AAK1: variants seen among roughly 807,000 people sequenced by gnomAD.
AAK1 encodes AP2 associated kinase 1.
In AAK1, 37 loss-of-function variants were observed where a neutral mutation model predicts 116.0. The observed-to-expected ratio is 0.32, with a 90% CI of 0.25 to 0.42. The LOEUF is 0.42. Among genes scored for constraint, AAK1 ranks in the 10% least tolerant of loss-of-function variants. The pLI is 1.00. For synonymous variants in AAK1, 458 were observed against 439.9 expected, an observed-to-expected ratio of 1.04 and a Z score of -0.51; for missense variants, 919 against 1,170.6, an observed-to-expected ratio of 0.79 and a Z score of 3.14.
intron 2 of AAK1, among the ~76,000 whole-genome samples, chr2:69,633,478 G>A (rs552750953): frequency 2.3e-3 from 344 of 151,580 alleles, no homozygotes; most frequent in Non-Finnish European, 3.5e-3. Context: ...GTACGCGCCT[G>A]CAGTACCAGC....
chr2:69,494,759 T>A (rs1023813861), intron 17 of AAK1, among the ~76,000 whole-genome samples: 2 of 152,246 alleles, frequency 1.3e-5, no homozygotes, highest in Non-Finnish European at 2.9e-5. Context: ...CTGTATTGAA[T>A]CATTCCTTAG....
rs1674276012 is a variant in AAK1 at position 69,458,929 on chromosome 2, C to T, written c.*16940G>A. The T allele has an allele frequency of 6.6e-6, 1 of 152,362 alleles. No homozygotes were observed. Among genetic ancestry groups the T allele is most frequent in the Non-Finnish European group, 1.5e-5 (1 of 68,024 alleles). 9.4% of individuals were successfully genotyped at this position (152,362 alleles called of 1,614,324 possible). A position where few individuals can be genotyped will look rare whatever the true frequency, so the allele number is the denominator to read the frequency against. The stretch of plus-strand genomic sequence containing the variant: ...TCCCTTTAACATGTACATATAGTTC[C>T]ATTATAATGCAATGCAGGTAACACT... On this transcript the variant is annotated 3_prime_UTR_variant, in exon 22 of 22. Transcript: ENST00000409085.
At position 69,467,516 on chromosome 2, in the gene AAK1, A is replaced by C. The variant is rs1253736442; in HGVS notation, c.*8353T>G. The C allele has an allele frequency of 1.0e-6, 1 of 985,300 alleles. No homozygotes were observed. Among genetic ancestry groups the C allele is most frequent in the Non-Finnish European group, 1.2e-6 (1 of 829,936 alleles). 61.0% of individuals were successfully genotyped at this position (985,300 alleles called of 1,614,324 possible). ...TAACTAAGCAAGAAGAATCCAGAGA[A>C]AGGGTGGTTGGGGGTAAAGGTATCA... is the stretch of plus-strand genomic sequence containing the variant. On this transcript the variant is annotated 3_prime_UTR_variant, in exon 22 of 22. Coordinates refer to ENST00000409085, the MANE Select transcript of AAK1 (RefSeq NM_014911.5).
At position 69,474,531 on chromosome 2, in the gene AAK1, TTTA is replaced by T. The variant is rs1421116457; in HGVS notation, c.*1335_*1337del. On this transcript the variant is annotated 3_prime_UTR_variant, in exon 22 of 22. Transcript: ENST00000409085. ...TCCTAAAGTTAATAAAGAACTATGC[TTTA>T]TTATTTTTTTTTAATCTAGGAAGCC... 2 of 984,906 alleles carry T rather than the reference TTTA, an allele frequency of 2.0e-6. No homozygotes were observed. The highest frequency in any genetic ancestry group is 2.4e-6 in the Non-Finnish European group (2 of 829,580). 61.0% of individuals were successfully genotyped at this position (984,906 alleles called of 1,614,324 possible).
intron 20 of AAK1, chr2:69,478,731 G>C (rs2104888825): frequency 2.3e-6 from 1 of 429,614 alleles, no homozygotes; most frequent in Non-Finnish European, 4.2e-6. Context: ...TGGGATTGCA[G>C]GCCTGAGCTA....
At chr2:69,585,404 C>T (rs1026865815) in intron 2 of AAK1, among the ~76,000 whole-genome samples, 3 of 152,122 alleles carry the variant, frequency 2.0e-5, no homozygotes, top group Non-Finnish European at 4.4e-5. Flanking sequence ...CCACACCACC[C>T]CAACTCCCCA....
intron 2 of AAK1, among the ~76,000 whole-genome samples, chr2:69,575,412 G>A (rs1156961796): frequency 1.3e-5 from 2 of 151,128 alleles, no homozygotes; most frequent in Non-Finnish European, 2.9e-5. Context: ...CTATTTTACT[G>A]CAATATTTTT....
chr2:69,477,032 C>A (rs1674881838), intron 20 of AAK1, 42 bp from the exon 21 acceptor site: 1 of 1,342,876 alleles, frequency 7.4e-7, no homozygotes, highest in African/African-American at 1.4e-5. Flanking sequence ...ACAACAGAGG[C>A]AGAGATTAGC....
chr2:69,579,164 T>G (rs1428502041), intron 2 of AAK1, among the ~76,000 whole-genome samples: 1 of 152,160 alleles, frequency 6.6e-6, no homozygotes, highest in Non-Finnish European at 1.5e-5. Context: ...AGAAACCTCT[T>G]ATGAAGTAGA....
chr2:69,527,338 T>C lies in AAK1; in HGVS notation c.872-19A>G, dbSNP rs893516029. On this transcript the variant is annotated intron_variant, in intron 8 of 21. Transcript: ENST00000409085. Reference sequence around the variant, plus strand: ...ATATACCCTAAGGCAAACATGTGAATTTATTTAATAATATTCCAACAGTTA... The same window carrying C: ...ATATACCCTAAGGCAAACATGTGAACTTATTTAATAATATTCCAACAGTTA... 1.4e-6 allele frequency: 2 copies of C among 1,470,496 alleles called. No homozygotes were observed. The highest frequency in any genetic ancestry group is 1.9e-6 in the Non-Finnish European group (2 of 1,061,158). 91.1% of individuals were successfully genotyped at this position (1,470,496 alleles called of 1,614,324 possible).
chr2:69,557,903 A>G (rs998105691), intron 2 of AAK1, among the ~76,000 whole-genome samples: 4 of 152,120 alleles, frequency 2.6e-5, no homozygotes, highest in Admixed American at 2.6e-4. Flanking sequence ...GGACCTCCCT[A>G]CCTCCTGGGC....
chr2:69,491,979 C>T (rs1362821913), intron 17 of AAK1, among the ~76,000 whole-genome samples: 1 of 152,100 alleles, frequency 6.6e-6, no homozygotes, highest in Non-Finnish European at 1.5e-5. Flanking sequence ...AAGAACCCTC[C>T]ACTGTTTGGG....
At chr2:69,630,612 A>C (rs1675134652) in intron 2 of AAK1, among the ~76,000 whole-genome samples, 1 of 152,228 alleles carries the variant, frequency 6.6e-6, no homozygotes, top group Non-Finnish European at 1.5e-5. Context: ...TATAGATGAG[A>C]AGACTAGATC....
chr2:69,491,711 A>G (rs181837898), intron 17 of AAK1, among the ~76,000 whole-genome samples: 1 of 152,318 alleles, frequency 6.6e-6, no homozygotes, highest in Non-Finnish European at 1.5e-5. Context: ...TCCCATCTTT[A>G]TAGTAATTTA....
At chr2:69,544,875 G>A (rs915802659) in intron 3 of AAK1, among the ~76,000 whole-genome samples, 1 of 152,212 alleles carries the variant, frequency 6.6e-6, no homozygotes, top group Non-Finnish European at 1.5e-5. Context: ...ACTGCAGGGG[G>A]TAAAGAGTAG....
chr2:69,559,178 C>T (rs1671521441), intron 2 of AAK1, among the ~76,000 whole-genome samples: 1 of 151,992 alleles, frequency 6.6e-6, no homozygotes, highest in African/African-American at 2.4e-5. Flanking sequence ...TAACTGTCAT[C>T]TCTCTAATCT....
intron 5 of AAK1, among the ~76,000 whole-genome samples, chr2:69,540,539 TATAGA>T (rs1418354514): frequency 6.6e-6 from 1 of 152,206 alleles, no homozygotes; most frequent in Non-Finnish European, 1.5e-5. Flanking sequence ...ACTGCCTTAA[TATAGA>T]AATGCCAGGA....
chr2:69,559,896 T>G (rs1305299792), intron 2 of AAK1, among the ~76,000 whole-genome samples: 1 of 152,204 alleles, frequency 6.6e-6, no homozygotes, highest in East Asian at 1.9e-4. Flanking sequence ...GCAGTGTAGT[T>G]TTCTTTGTAG....
intron 3 of AAK1, among the ~76,000 whole-genome samples, chr2:69,554,265 G>C (rs1671302317): frequency 6.6e-6 from 1 of 152,110 alleles, no homozygotes; most frequent in African/African-American, 2.4e-5. Flanking sequence ...GAGAAATCTT[G>C]AAGATGATAA....
Sources: allele counts gnomAD v4.1 joint callset (sites outside exome capture counted in the v4.1 genomes callset), GRCh38; gene constraint gnomAD v4.1.1; transcripts MANE v1.5; gene names NCBI Gene and HGNC (gene_info 2026-07-23, HGNC 2026-07-21).